CYRIB: variants seen among roughly 807,000 people sequenced by gnomAD.
CYRIB encodes the protein CYFIP-related Rac1 interactor B.
In CYRIB, 8 loss-of-function variants were observed where a neutral mutation model predicts 44.2. That is an observed-to-expected ratio of 0.18 (90% confidence interval 0.11 to 0.33). The LOEUF (loss-of-function observed/expected upper bound fraction) is 0.33, where lower values mean the gene tolerates loss of function less well. Among genes scored for constraint, CYRIB ranks in the 10% least tolerant of loss-of-function variants. CYRIB has a pLI of 1.00. For missense variants in CYRIB, 185 were observed against 382.8 expected (o/e 0.48, Z 4.31); for synonymous variants, 131 against 127.2 (o/e 1.03, Z -0.20).
In CYRIB at chr8:129,993,873, A is replaced by G. The variant is rs533517906; in HGVS notation, c.-296+22497T>C. Among the ~76,000 whole-genome samples, 15 of 151,868 alleles carry G rather than the reference A, an allele frequency of 9.9e-5. No individual in the cohort carries two copies. In the South Asian group the frequency reaches 2.1e-3, roughly 21 times the overall value. ...CCAGACCCTGTCTCAAAAAAAAAAAAAGGAGTCCTTGTGCCACCACAGCAC... is the reference window on the plus strand; with the variant it reads ...CCAGACCCTGTCTCAAAAAAAAAAAGAGGAGTCCTTGTGCCACCACAGCAC... On this transcript the variant is annotated intron_variant, in intron 1 of 14. Transcript: ENST00000401979.
chr8:129,956,844 CT>C (rs1250677154), intron 2 of CYRIB, among the ~76,000 whole-genome samples: 8 of 121,068 alleles, frequency 6.6e-5, no homozygotes, highest in African/African-American at 2.5e-4. Context: ...CCCAGCCTCT[CT>C]TTCTTTCTTT....
At chr8:130,012,465 G>A (rs948022172) in intron 1 of CYRIB, among the ~76,000 whole-genome samples, 1 of 152,166 alleles carries the variant, frequency 6.6e-6, no homozygotes, top group East Asian at 1.9e-4. Context: ...AGGGACAGAT[G>A]ATGGGACCAG....
chr8:129,989,255 C>A (rs1243396182), intron 1 of CYRIB, among the ~76,000 whole-genome samples: 1 of 152,076 alleles, frequency 6.6e-6, no homozygotes, highest in Non-Finnish European at 1.5e-5. Context: ...GCCTTCCAGG[C>A]GTTAGACTTT....
At chr8:129,857,292 A>G (rs558773040) in intron 5 of CYRIB, among the ~76,000 whole-genome samples, 1 of 152,212 alleles carries the variant, frequency 6.6e-6, no homozygotes, top group East Asian at 1.9e-4. Context: ...TAAAAATAAG[A>G]CCTCACCTAA....
chr8:129,950,877 A>G lies in CYRIB; in HGVS notation c.-243+20066T>C, dbSNP rs569602893. On this transcript the variant is annotated intron_variant, in intron 2 of 14. Coordinates refer to the CYRIB transcript ENST00000401979. ...ATTAATGAAAATCACTTTAATTACA[A>G]TGTAAGCCCCTGCTTTGCTACTTGG... Among the ~76,000 whole-genome samples the G allele has an allele frequency of 2.0e-5, 3 of 152,338 alleles. No homozygotes were observed. In the East Asian group the frequency reaches 5.8e-4, roughly 29 times the overall value.
At chr8:129,952,042 T>C (rs1362551621) in intron 2 of CYRIB, among the ~76,000 whole-genome samples, 1 of 107,960 alleles carries the variant, frequency 9.3e-6, no homozygotes, top group Admixed American at 1.1e-4. Context: ...AAATTACCTT[T>C]TGTTTTTGTT....
chr8:129,882,143 T>C (rs1463947266), intron 2 of CYRIB, among the ~76,000 whole-genome samples: 2 of 152,136 alleles, frequency 1.3e-5, no homozygotes, highest in Non-Finnish European at 2.9e-5. Context: ...ATGAAAAATA[T>C]ATCATGAGAA....
In CYRIB at chr8:129,852,558, T is replaced by C. The variant is rs75569745; in HGVS notation, c.517-280A>G. Among the ~76,000 whole-genome samples, 1,121 of 152,314 alleles carry C rather than the reference T, an allele frequency of 7.4e-3. 8 individuals are homozygous for C. Among genetic ancestry groups the C allele is most frequent in the Non-Finnish European group, 0.012 (785 of 68,032 alleles). ...ATGTTATGGAGGACAGAAAAATGAT[T>C]ATAAAATTGTACCGTCCTCCATTAT... On this transcript the variant is annotated intron_variant, in intron 7 of 11. Transcript: ENST00000519824.
intron 2 of CYRIB, among the ~76,000 whole-genome samples, chr8:129,889,099 T>A (rs1349405881): frequency 6.6e-6 from 1 of 151,888 alleles, no homozygotes; most frequent in African/African-American, 2.4e-5. Flanking sequence ...AAAATAAAAA[T>A]AAAAATAAAA....
chr8:129,864,795 C>T (rs895267082), intron 4 of CYRIB: 6 of 439,160 alleles, frequency 1.4e-5, no homozygotes, highest in Admixed American at 4.9e-5. Flanking sequence ...TGTGGGGCCG[C>T]GTCCTGAATT....
rs773513361 is a variant in CYRIB at position 129,855,766 on chromosome 8, A to G, written c.302-19T>C. The G allele has an allele frequency of 1.3e-5, 20 of 1,586,406 alleles. 1 individual carries two copies. The highest frequency in any genetic ancestry group is 3.7e-4 in the Middle Eastern group (2 of 5,462). Reference sequence around the variant, plus strand: ...GCTGCTTCTAAAGAAAAAAATTGAAAAAAACATTAAGTTGTTTGTATCTGT... The same window carrying G: ...GCTGCTTCTAAAGAAAAAAATTGAAGAAAACATTAAGTTGTTTGTATCTGT... On this transcript the variant is annotated intron_variant, in intron 5 of 11. Transcript: ENST00000519824.
At chr8:129,849,641 T>C (rs1244653978) in intron 9 of CYRIB, 1 of 287,126 alleles carries the variant, frequency 3.5e-6, no homozygotes, top group African/African-American at 2.2e-5. Context: ...CTCTAAAAGG[T>C]ATACTAACAT....
intron 9 of CYRIB, 117 bp downstream of exon 11, chr8:129,850,717 TA>T (rs1247571586): frequency 1.3e-6 from 1 of 747,624 alleles, no homozygotes; most frequent in Non-Finnish European, 2.3e-6. Context: ...ATATTTGGAA[TA>T]TACTTACTTT....
rs1220754724 is a variant in CYRIB, at chr8:129,938,628, T to C, written c.-50+980A>G. On this transcript the variant is annotated intron_variant, in intron 1 of 11. Coordinates refer to ENST00000519824, the Ensembl canonical transcript of CYRIB. Reference sequence around the variant, plus strand: ...GCACATAGGGGTACTCAAACAATGTTGCTGACAGATGAGACAACAAAGTCT... The same window carrying C: ...GCACATAGGGGTACTCAAACAATGTCGCTGACAGATGAGACAACAAAGTCT... Among the ~76,000 whole-genome samples the C allele has an allele frequency of 5.3e-4, 80 of 152,202 alleles. 1 individual carries two copies. Among genetic ancestry groups the C allele is most frequent in the Admixed American group, 5.2e-3 (80 of 15,268 alleles).
intron 2 of CYRIB, among the ~76,000 whole-genome samples, chr8:129,902,592 C>G (rs2072838774): frequency 6.6e-6 from 1 of 152,276 alleles, no homozygotes; most frequent in East Asian, 1.9e-4. Flanking sequence ...TCTTGGCTCA[C>G]TGCGGCCTGG....
At chr8:129,903,950 G>A (rs1381391841) in intron 1 of CYRIB, among the ~76,000 whole-genome samples, 1 of 152,060 alleles carries the variant, frequency 6.6e-6, no homozygotes, top group East Asian at 1.9e-4. Context: ...AGAGGGTCTC[G>A]CTATTTTGCT....
At chr8:129,872,097 T>C (rs2057478214) in intron 3 of CYRIB, among the ~76,000 whole-genome samples, 1 of 152,122 alleles carries the variant, frequency 6.6e-6, no homozygotes, top group Admixed American at 6.5e-5. Flanking sequence ...GATATATATA[T>C]CTAACAACAA....
At chr8:129,947,150 C>CA (rs1259410405) in intron 2 of CYRIB, among the ~76,000 whole-genome samples, 1 of 152,036 alleles carries the variant, frequency 6.6e-6, no homozygotes, top group African/African-American at 2.4e-5. Flanking sequence ...CTCCACCTCC[C>CA]AGGTTCAAAT....
intron 11 of CYRIB, chr8:129,844,385 G>T (rs149613731): frequency 6.6e-6 from 1 of 152,004 alleles, no homozygotes; most frequent in African/African-American, 2.4e-5. Context: ...TCTAATATAC[G>T]TGAAAATAAA....
Sources: gnomAD v4.1 joint callset for allele counts (sites outside exome capture counted in the v4.1 genomes callset) on GRCh38, gnomAD v4.1.1 for gene constraint, MANE v1.5 for transcripts, NCBI Gene and HGNC (gene_info 2026-07-23, HGNC 2026-07-21) for gene names.